PHTF1: variants seen among roughly 807,000 people sequenced by gnomAD.
PHTF1 encodes the protein putative homeodomain transcription factor 1, also known as protein PHTF1.
Under a neutral mutation model 102.4 loss-of-function variants are expected in PHTF1, and 88 were observed. The observed-to-expected ratio is 0.86, with a 90% confidence interval of 0.72 to 1.03. The LOEUF is 1.03. PHTF1 is among the 50% of genes least tolerant of loss of function. The pLI, the probability that PHTF1 is intolerant of heterozygous loss-of-function variation, is 0.00. For synonymous variants in PHTF1, 289 were observed against 305.2 expected, an observed-to-expected ratio of 0.95 and a Z score of 0.55; for missense variants, 814 against 909.5, an observed-to-expected ratio of 0.89 and a Z score of 1.35.
rs371642542 is a variant in PHTF1 at position 113,700,789 on chromosome 1, A to G, written c.2046+5T>C. On this transcript the variant is annotated splice_donor_5th_base_variant and intron_variant, in intron 16 of 18. Transcript: ENST00000369604. ...CTAAACCCAATTGACAGGACTGATCAATACCTGTTCTGTAAGTAATATTGA... is the reference window on the plus strand; with the variant it reads ...CTAAACCCAATTGACAGGACTGATCGATACCTGTTCTGTAAGTAATATTGA... 111 of 1,613,126 alleles carry G rather than the reference A, an allele frequency of 6.9e-5. No homozygotes were observed. In the African/African-American group the frequency reaches 1.4e-3, roughly 21 times the overall value.
intron 7 of PHTF1, 67 bp downstream of exon 7, chr1:113,724,692 G>A (rs965961502): frequency 7.8e-7 from 1 of 1,278,728 alleles, no homozygotes; most frequent in East Asian, 2.3e-5. Flanking sequence ...TTACTCCTAT[G>A]GCCTGATGAT....
intron 5 of PHTF1, among the ~76,000 whole-genome samples, chr1:113,735,038 C>T (rs151097675): frequency 6.6e-5 from 10 of 152,060 alleles, no homozygotes; most frequent in East Asian, 1.9e-4. Flanking sequence ...AGAAAGGTTA[C>T]GTAAATTACA....
chr1:113,752,385 ATTTTTT>A (rs774522219), intron 3 of PHTF1, among the ~76,000 whole-genome samples: 2 of 47,840 alleles, frequency 4.2e-5, no homozygotes, highest in South Asian at 6.6e-4. Flanking sequence ...TGTTACTGTA[ATTTTTT>A]TTTTTTTTTT....
intron 3 of PHTF1, among the ~76,000 whole-genome samples, chr1:113,744,704 C>G (rs975283226): frequency 7.2e-5 from 11 of 152,182 alleles, no homozygotes; most frequent in East Asian, 1.9e-4. Flanking sequence ...AATCCCAGCA[C>G]TTTGGGAGGC....
At position 113,706,636 on chromosome 1, in the gene PHTF1, C is replaced by A. The variant is rs1650232702; in HGVS notation, c.1356G>T (p.Met452Ile). 6.2e-7 allele frequency: 1 copy of A among 1,611,492 alleles called. No individual in the cohort carries two copies. Among genetic ancestry groups the A allele is most frequent in the African/African-American group, 1.3e-5 (1 of 74,762 alleles). ...CACTTATTTCCAACACAGACATATCCATCTTTTTGCACTCATTCCCCTCCC... is the reference window on the plus strand; with the variant it reads ...CACTTATTTCCAACACAGACATATCAATCTTTTTGCACTCATTCCCCTCCC... ...IIWEGNECKK[M>I]DMSVLEISGI... The change falls in exon 12 of 19, where the codon ATG becomes ATT. Residue 452 changes from methionine to isoleucine, a missense_variant. Met to Ile is a conservative substitution (Grantham distance 10). Coordinates refer to ENST00000369604, the MANE Select transcript of PHTF1 (RefSeq NM_001323043.2).
intron 5 of PHTF1, among the ~76,000 whole-genome samples, chr1:113,735,955 C>A (rs914941764): frequency 2.0e-5 from 3 of 152,084 alleles, no homozygotes; most frequent in Admixed American, 1.3e-4. Flanking sequence ...TGGGTCCCTG[C>A]ACACAGTTAG....
chr1:113,738,674 A>G (rs1258943994), intron 4 of PHTF1, 56 bp downstream of exon 4: 3 of 996,342 alleles, frequency 3.0e-6, no homozygotes, highest in Non-Finnish European at 4.6e-6. Flanking sequence ...ATTGAAAATT[A>G]AGCATCCCTG....
rs750402676 is a variant in PHTF1 at position 113,698,321 on chromosome 1, C to T, written c.2209G>A (p.Val737Ile). 6.2e-7 allele frequency: 1 copy of T among 1,607,330 alleles called. No homozygotes were observed. The highest frequency in any genetic ancestry group is 2.2e-5 in the East Asian group (1 of 44,790). The change falls in exon 18 of 19, where the codon GTA becomes ATA. Residue 737 changes from valine to isoleucine, a missense_variant. Val to Ile is a conservative substitution (Grantham distance 29, BLOSUM62 3). Transcript: ENST00000369604. ...MNPLIYNITR[V>I]VILSAVSGVI... ...CCTGAGACAGCAGAAAGGATAACTACTCTTGTGATATTGTAGATTAAGGGA... is the reference window on the plus strand; with the variant it reads ...CCTGAGACAGCAGAAAGGATAACTATTCTTGTGATATTGTAGATTAAGGGA...
rs1659094205 is a variant in PHTF1, at chr1:113,757,762, G to A, written c.46-7C>T. ...GCTGATCGTAGGCTCCAATCTGAAAGAGGGAGTAGTCTATTAGTTAAACGA... is the reference window on the plus strand; with the variant it reads ...GCTGATCGTAGGCTCCAATCTGAAAAAGGGAGTAGTCTATTAGTTAAACGA... On this transcript the variant is annotated splice_region_variant and splice_polypyrimidine_tract_variant and intron_variant, in intron 2 of 18. Coordinates refer to ENST00000369604, the MANE Select transcript of PHTF1 (RefSeq NM_001323043.2). 1 of 1,576,920 alleles carries A rather than the reference G, an allele frequency of 6.3e-7. No individual in the cohort carries two copies. The highest frequency in any genetic ancestry group is 1.3e-5 in the African/African-American group (1 of 74,292).
chr1:113,758,545 T>G, intron 2 of PHTF1, 114 bp downstream of exon 2: 1 of 456,456 alleles, frequency 2.2e-6, no homozygotes, highest in East Asian at 3.8e-5. Context: ...TATGTTGAAG[T>G]ATACATGAAC....
chr1:113,744,880 T>A (rs1656975722), intron 3 of PHTF1, among the ~76,000 whole-genome samples: 1 of 146,958 alleles, frequency 6.8e-6, no homozygotes, highest in Admixed American at 7.0e-5. Flanking sequence ...ATCAGGGAGG[T>A]GGAAGCTGCA....
At chr1:113,748,366 T>C (rs1657534139) in intron 3 of PHTF1, among the ~76,000 whole-genome samples, 1 of 152,228 alleles carries the variant, frequency 6.6e-6, no homozygotes. Context: ...TTCTTCTCCA[T>C]GTATTTCCTT....
Position 113,706,605 on chromosome 1 carries a change from T to C in PHTF1, c.1387A>G (p.Ile463Val). The C allele has an allele frequency of 6.2e-7, 1 of 1,608,924 alleles. No homozygotes were observed. Among genetic ancestry groups the C allele is most frequent in the Non-Finnish European group, 8.5e-7 (1 of 1,178,592 alleles). Residue 463 changes from isoleucine (I) to valine (V), a missense_variant, in exon 12 of 19, where the codon ATC becomes GTC. Physicochemically the swap from Ile to Val is conservative, Grantham distance 29. Coordinates refer to ENST00000369604, the MANE Select transcript of PHTF1 (RefSeq NM_001323043.2). ...ATATTCAGTCTTACCCTGCTCATGA[T>C]GATGCCACTTATTTCCAACACAGAC... ...DMSVLEISGI[I>V]MSRVNAYQQG...
intron 15 of PHTF1, among the ~76,000 whole-genome samples, chr1:113,701,152 CA>C (rs1025307294): frequency 1.3e-5 from 2 of 152,262 alleles, no homozygotes. Flanking sequence ...TCTCCTTTAG[CA>C]AGGGTCTAGA....
In PHTF1 at chr1:113,738,161, C is replaced by G; in HGVS notation, c.280G>C (p.Val94Leu). ...FPLFSNWWIQ[V>L]TSLRIFVWLL... ...CAAACAAAGATTCTTAAAGAGGTAA[C>G]CTGAATCCACCAATTGCTGAACAAT... Residue 94 changes from valine (V) to leucine (L), a missense_variant, in exon 5 of 19, where the codon GTT becomes CTT. Val to Leu is a conservative substitution (Grantham distance 32). Transcript: ENST00000369604. 6.2e-7 allele frequency: 1 copy of G among 1,612,820 alleles called. No individual in the cohort carries two copies. Among genetic ancestry groups the G allele is most frequent in the Non-Finnish European group, 8.5e-7 (1 of 1,178,836 alleles).
chr1:113,729,055 TGG>T, intron 5 of PHTF1, among the ~76,000 whole-genome samples: 1 of 152,318 alleles, frequency 6.6e-6, no homozygotes, highest in South Asian at 2.1e-4. Context: ...AAAGAAAATG[TGG>T]TACATATACA....
At chr1:113,751,620 G>A (rs1400758596) in intron 3 of PHTF1, among the ~76,000 whole-genome samples, 1 of 152,090 alleles carries the variant, frequency 6.6e-6, no homozygotes, top group Non-Finnish European at 1.5e-5. Flanking sequence ...TGGACACGTG[G>A]GTTTTTCCTA....
intron 3 of PHTF1, among the ~76,000 whole-genome samples, chr1:113,756,083 A>G (rs1571269645): frequency 6.6e-6 from 1 of 151,318 alleles, no homozygotes; most frequent in Non-Finnish European, 1.5e-5. Flanking sequence ...AAAAAAAAAA[A>G]GGGTGAAGGA....
chr1:113,721,016 G>T (rs558618574), intron 7 of PHTF1, among the ~76,000 whole-genome samples: 1 of 152,194 alleles, frequency 6.6e-6, no homozygotes, highest in African/African-American at 2.4e-5. Flanking sequence ...TCACACACAA[G>T]AATCACTTGA....
Sources: gnomAD v4.1 joint callset for allele counts (sites outside exome capture counted in the v4.1 genomes callset) on GRCh38, gnomAD v4.1.1 for gene constraint, MANE v1.5 for transcripts, NCBI Gene and HGNC (gene_info 2026-07-23, HGNC 2026-07-21) for gene names.